Variants in NUP37 observed in about 807,000 individuals in gnomAD.
NUP37 encodes the protein nucleoporin 37.
In NUP37, 33 loss-of-function variants were observed where a neutral mutation model predicts 45.4. The ratio of observed to expected loss-of-function variants is 0.73; its 90% CI spans 0.55 to 0.97. NUP37 has a LOEUF of 0.97. Among genes scored for constraint, NUP37 ranks in the 50% least tolerant of loss-of-function variants. The pLI is 0.00. For synonymous variants in NUP37, 127 were observed against 130.7 expected (o/e 0.97, Z 0.19); for missense variants, 365 against 389.7 (o/e 0.94, Z 0.53).
chr12:102,079,518 C>A (rs563640873), intron 6 of NUP37, among the ~76,000 whole-genome samples: 4 of 152,106 alleles, frequency 2.6e-5, no homozygotes, highest in Admixed American at 6.5e-5. Flanking sequence ...CTGATCAATA[C>A]GTAGCTTTTG....
At chr12:102,100,941 C>T in intron 4 of NUP37, 91 bp downstream of exon 4, 1 of 716,504 alleles carries the variant, frequency 1.4e-6, no homozygotes, top group Non-Finnish European at 2.3e-6. Flanking sequence ...CCATAAAAAG[C>T]CATTTTAAAT....
At chr12:102,096,032 G>T (rs1879794457) in intron 5 of NUP37, among the ~76,000 whole-genome samples, 1 of 152,050 alleles carries the variant, frequency 6.6e-6, no homozygotes, top group South Asian at 2.1e-4. Context: ...GTCTTCATAT[G>T]TAGTTGTTAT....
intron 2 of NUP37, among the ~76,000 whole-genome samples, chr12:102,112,606 G>A (rs1880348574): frequency 2.0e-5 from 3 of 152,036 alleles, no homozygotes; most frequent in Admixed American, 2.0e-4. Context: ...AGACCAGACT[G>A]GGCAACACAG....
chr12:102,097,197 G>A (rs1029395917), intron 5 of NUP37, among the ~76,000 whole-genome samples: 1 of 152,036 alleles, frequency 6.6e-6, no homozygotes, highest in Non-Finnish European at 1.5e-5. Flanking sequence ...TGCTACATTG[G>A]CCTAAACAAT....
At chr12:102,105,861 CAA>C (rs759252411) in intron 3 of NUP37, among the ~76,000 whole-genome samples, 13 of 73,688 alleles carry the variant, frequency 1.8e-4, no homozygotes, top group East Asian at 3.2e-4. Context: ...GACTCCCTCT[CAA>C]AAAAAAAAAA....
chr12:102,085,856 C>G lies in NUP37; in HGVS notation c.450G>C (p.Arg150Ser), dbSNP rs773742822. 4 of 1,509,110 alleles carry G rather than the reference C, an allele frequency of 2.7e-6. No individual in the cohort carries two copies. The highest frequency in any genetic ancestry group is 2.7e-6 in the Non-Finnish European group (3 of 1,093,404). 93.5% of individuals were successfully genotyped at this position (1,509,110 alleles called of 1,614,324 possible). A position where few individuals can be genotyped will look rare whatever the true frequency, so the allele number is the denominator to read the frequency against. The change falls in exon 6 of 10, where the codon AGG becomes AGC. Residue 150 changes from arginine (R) to serine (S), a missense_variant and splice_region_variant. By Grantham distance (110) the Arg-to-Ser change is moderately radical. Transcript: ENST00000552283. ...IASVSDDHTC[R>S]IWNLEGVQTA... The stretch of plus-strand genomic sequence containing the variant: ...TTTGCACTCCTTCCAAGTTCCAAAT[C>G]CTAATAAAAGAATAACAGTATAATG...
chr12:102,110,793 G>T, intron 3 of NUP37, among the ~76,000 whole-genome samples: 1 of 152,226 alleles, frequency 6.6e-6, no homozygotes, highest in Admixed American at 6.5e-5. Flanking sequence ...TGCAGTGAGT[G>T]GAGATGGTGC....
chr12:102,104,386 T>C (rs1880064157), intron 3 of NUP37, among the ~76,000 whole-genome samples: 1 of 152,228 alleles, frequency 6.6e-6, no homozygotes, highest in South Asian at 2.1e-4. Context: ...TTGTTAGGTA[T>C]ATGGGTTGCA....
At chr12:102,081,681 CA>C (rs1879336212) in intron 6 of NUP37, among the ~76,000 whole-genome samples, 1 of 152,032 alleles carries the variant, frequency 6.6e-6, no homozygotes, top group African/African-American at 2.4e-5. Flanking sequence ...AAGCATTCAA[CA>C]AATGTTGGCT....
intron 3 of NUP37, among the ~76,000 whole-genome samples, chr12:102,109,971 A>ATATT (rs1880264035): frequency 6.6e-6 from 1 of 152,240 alleles, no homozygotes; most frequent in East Asian, 1.9e-4. Flanking sequence ...GGAAATCAAC[A>ATATT]GCACACCAGC....
chr12:102,102,903 C>T (rs1196140856), intron 3 of NUP37, among the ~76,000 whole-genome samples: 1 of 152,102 alleles, frequency 6.6e-6, no homozygotes. Flanking sequence ...AATCGATTGA[C>T]CATAAATGCA....
chr12:102,080,020 T>TTTC, intron 6 of NUP37, among the ~76,000 whole-genome samples: 1 of 152,300 alleles, frequency 6.6e-6, no homozygotes, highest in Middle Eastern at 3.4e-3. Flanking sequence ...AATCTGTGAA[T>TTTC]AATGAAGATC....
chr12:102,118,427 T>A lies in NUP37; in HGVS notation c.92A>T (p.Asp31Val), dbSNP rs369384857. ...VVEFNPFENG[D>V]SGNLIAYGGN... ...ACCATATGCAATTAGGTTTCCTGAATCCCCATTCTCAAAGGGATTAAATTC... is the reference window on the plus strand; with the variant it reads ...ACCATATGCAATTAGGTTTCCTGAAACCCCATTCTCAAAGGGATTAAATTC... The change falls in exon 2 of 10, where the codon GAT becomes GTT. Residue 31 changes from aspartate to valine, a missense_variant. Coordinates refer to ENST00000552283, the MANE Select transcript of NUP37 (RefSeq NM_024057.4). 6.2e-7 allele frequency: 1 copy of A among 1,614,050 alleles called. No individual in the cohort carries two copies. The highest frequency in any genetic ancestry group is 1.7e-5 in the Admixed American group (1 of 60,000).
At chr12:102,098,530 T>G (rs1203793752) in intron 5 of NUP37, among the ~76,000 whole-genome samples, 1 of 151,918 alleles carries the variant, frequency 6.6e-6, no homozygotes, top group African/African-American at 2.4e-5. Context: ...ATCCAATATG[T>G]TTGTGTTTTT....
intron 6 of NUP37, chr12:102,079,203 G>A (rs1879265625): frequency 4.4e-6 from 2 of 455,808 alleles, no homozygotes; most frequent in Non-Finnish European, 8.8e-6. Flanking sequence ...GTGACCTGGA[G>A]TTATCTTTCA....
rs548689382 is a variant in NUP37, at chr12:102,077,472, C to T, written c.572G>A (p.Arg191Gln). The change falls in exon 7 of 10, where the codon CGG becomes CAG. Residue 191 changes from arginine to glutamine, a missense_variant. Coordinates refer to ENST00000552283, the MANE Select transcript of NUP37 (RefSeq NM_024057.4). ...CTGTTGGGCCAAAAGATCATAAAAC[C>T]GGATTGTTCCATTCTTCTCTGCAAC... ...LMVAEKNGTI[R>Q]FYDLLAQQAI... 1.5e-5 allele frequency: 24 copies of T among 1,613,586 alleles called. No homozygotes were observed. In the Admixed American group the frequency reaches 2.5e-4, roughly 17 times the overall value.
chr12:102,092,662 T>C (rs917966532), intron 5 of NUP37, among the ~76,000 whole-genome samples: 4 of 152,130 alleles, frequency 2.6e-5, no homozygotes, highest in Non-Finnish European at 4.4e-5. Flanking sequence ...TGGTTTTAAG[T>C]GCAAAAGGAG....
chr12:102,075,041 A>T lies in NUP37; in HGVS notation c.827T>A (p.Met276Lys). 3 of 1,611,242 alleles carry T rather than the reference A, an allele frequency of 1.9e-6. No homozygotes were observed. The highest frequency in any genetic ancestry group is 2.5e-6 in the Non-Finnish European group (3 of 1,178,280). The change falls in exon 9 of 10, where the codon ATG becomes AAG. Residue 276 changes from methionine to lysine, a missense_variant. Physicochemically the swap from Met to Lys is moderately conservative, Grantham distance 95 (BLOSUM62 -1). Coordinates refer to ENST00000552283, the MANE Select transcript of NUP37 (RefSeq NM_024057.4). ...LFATTGYPGK[M>K]ASQFQIHHLG... ...ATGATGAATTTGAAACTGGCTTGCC[A>T]TTTTGCCAGGATAACCAGTGGTTGC...
At position 102,077,339 on chromosome 12, in the gene NUP37, C is replaced by T; in HGVS notation, c.705G>A (p.Trp235Ter). Residue 235 changes from tryptophan (W) to a stop codon, truncating the protein, a stop_gained, in exon 7 of 10, where the codon TGG becomes TGA. Transcript: ENST00000552283. LOFTEE classifies it high-confidence loss of function. ...GAVAGNDWLI[W>*]DITRSSYPQN... The stretch of plus-strand genomic sequence containing the variant: ...GAAAGTACCTGGACCGAGTAATATC[C>T]CAAATTAACCAATCATTTCCTGCAA... The T allele has an allele frequency of 6.2e-7, 1 of 1,614,004 alleles. No homozygotes were observed. Among genetic ancestry groups the T allele is most frequent in the African/African-American group, 1.3e-5 (1 of 75,018 alleles).
Sources: gnomAD v4.1 joint callset for allele counts (sites outside exome capture counted in the v4.1 genomes callset) on GRCh38, gnomAD v4.1.1 for gene constraint, MANE v1.5 for transcripts, NCBI Gene and HGNC (gene_info 2026-07-23, HGNC 2026-07-21) for gene names.